GMEB1: variants seen among roughly 807,000 people sequenced by gnomAD.
GMEB1 encodes glucocorticoid modulatory element binding protein 1, also known as glucocorticoid modulatory element-binding protein 1.
GMEB1 carries 6 observed loss-of-function variants against 52.4 expected under a neutral mutation model. The observed-to-expected ratio is 0.11, with a 90% CI of 0.06 to 0.23. GMEB1 has a LOEUF of 0.23. Ranked by LOEUF, GMEB1 falls within the 10% of genes least tolerant of loss-of-function variation. The pLI is 1.00. For synonymous variants in GMEB1, 255 were observed against 244.9 expected (o/e 1.04, Z -0.38); for missense variants, 486 against 685.6 (o/e 0.71, Z 3.25).
rs1016125672 is a variant in GMEB1, at chr1:28,717,188, T to TG, written c.*2415_*2416insG. The TG allele has an allele frequency of 7.9e-5, 12 of 150,988 alleles. No individual in the cohort carries two copies. Among genetic ancestry groups the TG allele is most frequent in the Admixed American group, 7.9e-4 (12 of 15,142 alleles). The allele number at this position is 150,988 out of a possible 1,614,324, so 9.4% of individuals were successfully genotyped here. The stretch of plus-strand genomic sequence containing the variant: ...CCTGTAACATGGTAAGGTTGCTGTT[T>TG]TTTTTTTTTTTTTCTTTTTGAGATG... On this transcript the variant is annotated 3_prime_UTR_variant, in exon 10 of 10. Coordinates refer to ENST00000373816, the MANE Select transcript of GMEB1 (RefSeq NM_001319674.2).
intron 5 of GMEB1, among the ~76,000 whole-genome samples, chr1:28,693,964 C>G (rs1670082558): frequency 6.6e-6 from 1 of 151,768 alleles, no homozygotes; most frequent in Non-Finnish European, 1.5e-5. Flanking sequence ...CTTCTAAAGT[C>G]AATTATGGCT....
At chr1:28,695,563 CATT>C (rs943197834) in intron 5 of GMEB1, among the ~76,000 whole-genome samples, 44 of 151,684 alleles carry the variant, frequency 2.9e-4, no homozygotes, top group Non-Finnish European at 4.4e-5. Flanking sequence ...GACACAGAAA[CATT>C]ATTTGTGTTC....
At chr1:28,672,736 C>CT (rs540343527) in intron 1 of GMEB1, among the ~76,000 whole-genome samples, 41,947 of 119,704 alleles carry the variant, frequency 0.35, 8,920 homozygotes, top group East Asian at 0.73. Flanking sequence ...CATATTGTTC[C>CT]TTTTTTTTTT....
At chr1:28,687,383 C>CA (rs1435336898) in intron 2 of GMEB1, among the ~76,000 whole-genome samples, 9 of 35,206 alleles carry the variant, frequency 2.6e-4, no homozygotes, top group Non-Finnish European at 3.6e-4. Context: ...CACACACACA[C>CA]ACACAAAAAA....
At chr1:28,710,421 C>T in intron 8 of GMEB1, 99 bp from the exon 9 acceptor site, 2 of 800,556 alleles carry the variant, frequency 2.5e-6, no homozygotes, top group South Asian at 3.5e-5. Context: ...TTAGGAGAGT[C>T]CCATAATTTC....
At chr1:28,680,809 C>T (rs1669356673) in intron 1 of GMEB1, among the ~76,000 whole-genome samples, 1 of 151,702 alleles carries the variant, frequency 6.6e-6, no homozygotes, top group South Asian at 2.1e-4. Context: ...TTTGGGAGGC[C>T]GAGGTGGGCA....
At chr1:28,670,715 C>G (rs1463313736) in intron 1 of GMEB1, among the ~76,000 whole-genome samples, 1 of 152,088 alleles carries the variant, frequency 6.6e-6, no homozygotes, top group African/African-American at 2.4e-5. Context: ...CCTTGTGATT[C>G]GCCCGCGTTG....
At chr1:28,675,043 A>G (rs564912760) in intron 1 of GMEB1, among the ~76,000 whole-genome samples, 4 of 90,226 alleles carry the variant, frequency 4.4e-5, no homozygotes, top group Admixed American at 1.6e-4. Context: ...TTTGAGACGG[A>G]GTCTTGCTCT....
intron 9 of GMEB1, among the ~76,000 whole-genome samples, chr1:28,711,581 T>C (rs1671065606): frequency 6.6e-6 from 1 of 152,040 alleles, no homozygotes; most frequent in Non-Finnish European, 1.5e-5. Context: ...CTCAGCCTCC[T>C]GAATAGCTGG....
chr1:28,694,446 G>A (rs906824569), intron 5 of GMEB1, among the ~76,000 whole-genome samples: 2 of 150,582 alleles, frequency 1.3e-5, no homozygotes, highest in African/African-American at 2.4e-5. Flanking sequence ...CACCCGCCTT[G>A]GCCTCCCAAA....
intron 8 of GMEB1, among the ~76,000 whole-genome samples, chr1:28,707,235 G>A (rs1670826436): frequency 6.6e-6 from 1 of 151,730 alleles, no homozygotes; most frequent in Admixed American, 6.6e-5. Context: ...GCCCGCCTCG[G>A]CCTCCCAAAG....
At chr1:28,692,787 C>T (rs1379017903) in intron 4 of GMEB1, among the ~76,000 whole-genome samples, 155 bp from the exon 5 acceptor site, 3 of 152,114 alleles carry the variant, frequency 2.0e-5, no homozygotes, top group African/African-American at 7.2e-5. Context: ...ATCGTCTTCT[C>T]TAACACAATA....
rs1014839724 is a variant in GMEB1, at chr1:28,716,265, G to C, written c.*1492G>C. 5.3e-5 allele frequency: 8 copies of C among 152,156 alleles called. No individual in the cohort carries two copies. Among genetic ancestry groups the C allele is most frequent in the Admixed American group, 3.9e-4 (6 of 15,274 alleles). 9.4% of individuals were successfully genotyped at this position (152,156 alleles called of 1,614,324 possible). On this transcript the variant is annotated 3_prime_UTR_variant, in exon 10 of 10. Transcript: ENST00000373816. ...GTGATGTAAATGGCTCTGGTTCTTA[G>C]ACTGTGGCTGTCACAGGGATGGGGC... is the stretch of plus-strand genomic sequence containing the variant.
intron 8 of GMEB1, 53 bp from the exon 9 acceptor site, chr1:28,710,467 G>A: frequency 6.9e-7 from 1 of 1,448,216 alleles, no homozygotes; most frequent in Non-Finnish European, 9.3e-7. Context: ...ACAATGGAGA[G>A]TGGTGGAACA....
chr1:28,709,248 A>G (rs1017482862), intron 8 of GMEB1, among the ~76,000 whole-genome samples: 4 of 152,074 alleles, frequency 2.6e-5, no homozygotes, highest in Non-Finnish European at 2.9e-5. Flanking sequence ...CAGGGCTTGC[A>G]GGGAGCCAAG....
chr1:28,712,323 G>C (rs1671091870), intron 9 of GMEB1, among the ~76,000 whole-genome samples: 1 of 152,116 alleles, frequency 6.6e-6, no homozygotes, highest in African/African-American at 2.4e-5. Flanking sequence ...TACTTTTGAG[G>C]TTTTATGGAG....
intron 1 of GMEB1, among the ~76,000 whole-genome samples, chr1:28,678,988 G>A (rs1415646212): frequency 6.6e-6 from 1 of 152,136 alleles, no homozygotes; most frequent in Admixed American, 6.6e-5. Flanking sequence ...TTGGCCCACT[G>A]TAACCTCTGC....
In GMEB1 at chr1:28,715,012, A is replaced by G. The variant is rs1671227783; in HGVS notation, c.*239A>G. 6.4e-6 allele frequency: 3 copies of G among 466,162 alleles called. No homozygotes were observed. Among genetic ancestry groups the G allele is most frequent in the Non-Finnish European group, 1.1e-5 (3 of 260,928 alleles). 28.9% of individuals were successfully genotyped at this position (466,162 alleles called of 1,614,324 possible). On this transcript the variant is annotated 3_prime_UTR_variant, in exon 10 of 10. Coordinates refer to ENST00000373816, the MANE Select transcript of GMEB1 (RefSeq NM_001319674.2). The stretch of plus-strand genomic sequence containing the variant: ...TTCAATGTCCTAATCATCTTACACC[A>G]AGAAAGTAATTTCTTTTAGGGGAAG...
rs372919474 is a variant in GMEB1 at position 28,674,476 on chromosome 1, C to T, written c.-31+5637C>T. Among the ~76,000 whole-genome samples, 3 of 151,994 alleles carry T rather than the reference C, an allele frequency of 2.0e-5. No individual in the cohort carries two copies. In the East Asian group the frequency reaches 5.8e-4, roughly 29 times the overall value. The stretch of plus-strand genomic sequence containing the variant: ...AGGCACAATCTTGGCTCACCTGCAA[C>T]CTCCGCCTCCTGGGCTCAAGTGATT... On this transcript the variant is annotated intron_variant, in intron 1 of 9. Transcript: ENST00000373816.
Sources: gnomAD v4.1 joint callset for allele counts (sites outside exome capture counted in the v4.1 genomes callset) on GRCh38, gnomAD v4.1.1 for gene constraint, MANE v1.5 for transcripts, NCBI Gene and HGNC (gene_info 2026-07-23, HGNC 2026-07-21) for gene names.